The following SLC6A20 variants were observed in gnomAD, a reference collection of about 807,000 sequenced individuals.
SLC6A20 encodes the protein solute carrier family 6 member 20.
SLC6A20 carries 73 observed loss-of-function variants against 64.3 expected under a neutral mutation model. The ratio of observed to expected loss-of-function variants is 1.14; its 90% CI spans 0.94 to 1.38. The LOEUF is 1.38. SLC6A20 is among the 40% of genes most tolerant of loss of function. SLC6A20 has a pLI of 0.00. For synonymous variants in SLC6A20, 347 were observed against 329.6 expected (o/e 1.05, Z -0.57); for missense variants, 725 against 772.8 (o/e 0.94, Z 0.73).
intron 3 of SLC6A20, among the ~76,000 whole-genome samples, chr3:45,777,816 C>T (rs987174081): frequency 2.0e-5 from 3 of 152,200 alleles, no homozygotes; most frequent in Non-Finnish European, 2.9e-5. Flanking sequence ...CCTGGACTAC[C>T]TGCTGATGCC....
intron 1 of SLC6A20, among the ~76,000 whole-genome samples, chr3:45,794,902 T>C (rs1175557329): frequency 6.6e-6 from 1 of 152,198 alleles, no homozygotes; most frequent in Non-Finnish European, 1.5e-5. Flanking sequence ...TTATGGTGTA[T>C]TTATGCACTT....
intron 4 of SLC6A20, among the ~76,000 whole-genome samples, chr3:45,772,905 C>T (rs1411578337): frequency 6.6e-6 from 1 of 152,106 alleles, no homozygotes; most frequent in Non-Finnish European, 1.5e-5. Flanking sequence ...TTCAACCTGA[C>T]CTTATTCTGG....
Position 45,765,444 on chromosome 3 carries a change from C to T in SLC6A20, c.1303+93G>A, listed in dbSNP as rs1463774137. 7.0e-7 allele frequency: 1 copy of T among 1,427,184 alleles called. No homozygotes were observed. Among genetic ancestry groups the T allele is most frequent in the Non-Finnish European group, 9.5e-7 (1 of 1,052,146 alleles). 88.4% of individuals were successfully genotyped at this position (1,427,184 alleles called of 1,614,324 possible). On this transcript the variant is annotated intron_variant, in intron 8 of 10. Coordinates refer to ENST00000358525, the MANE Select transcript of SLC6A20 (RefSeq NM_020208.4). This position sits in a 1 kb window ranked among gnomAD's most constrained non-coding sequence, Gnocchi z 4.2. Reference sequence around the variant, plus strand: ...CTGCAACCCCCTGTAGCCACCTGAACCAGCCCATGACCCCTGAGGGAGCTC... The same window carrying T: ...CTGCAACCCCCTGTAGCCACCTGAATCAGCCCATGACCCCTGAGGGAGCTC...
At chr3:45,764,104 G>A (rs74605920) in intron 8 of SLC6A20, among the ~76,000 whole-genome samples, 8 of 152,308 alleles carry the variant, frequency 5.3e-5, no homozygotes, top group East Asian at 3.9e-4. Flanking sequence ...TTTCAGAGAC[G>A]GAGTAGTGTA....
chr3:45,778,190 T>A (rs543976166), intron 3 of SLC6A20, among the ~76,000 whole-genome samples: 1 of 151,940 alleles, frequency 6.6e-6, no homozygotes, highest in Non-Finnish European at 1.5e-5. Context: ...AGGGAGTGAG[T>A]AGACAGGAGC....
intron 8 of SLC6A20, among the ~76,000 whole-genome samples, chr3:45,764,751 T>A (rs1432842553): frequency 9.2e-6 from 1 of 108,136 alleles, no homozygotes; most frequent in African/African-American, 5.4e-5. Context: ...AATGTAGAAG[T>A]CAGAAATAGA....
intron 3 of SLC6A20, among the ~76,000 whole-genome samples, chr3:45,778,702 C>T (rs1193515364): frequency 6.6e-6 from 1 of 152,170 alleles, no homozygotes; most frequent in Non-Finnish European, 1.5e-5. Flanking sequence ...GTTGGCAGTA[C>T]TGTTGTGCAG....
Position 45,763,174 on chromosome 3 carries a change from G to A in SLC6A20, c.1304-102C>T. ...GGGTCGTCGGCCCTCAGGGAATTTT[G>A]GCTGATTGCTTCATCCACATGGGTT... is the stretch of plus-strand genomic sequence containing the variant. On this transcript the variant is annotated intron_variant, in intron 8 of 10. Transcript: ENST00000358525. The A allele has an allele frequency of 3.3e-6, 5 of 1,526,516 alleles. No individual in the cohort carries two copies. The South Asian group carries it at 3.7e-5, about 11-fold the overall frequency. The allele number at this position is 1,526,516 out of a possible 1,614,324, so 94.6% of individuals were successfully genotyped here.
rs530984384 is a variant in SLC6A20 at position 45,774,904 on chromosome 3, A to G, written c.582+857T>C. ...AATTTACCTCTCTAAGCTTCAGGTAACTGGGATCATGAAATCTACCATGAA... is the reference window on the plus strand; with the variant it reads ...AATTTACCTCTCTAAGCTTCAGGTAGCTGGGATCATGAAATCTACCATGAA... On this transcript the variant is annotated intron_variant, in intron 4 of 10. Coordinates refer to ENST00000358525, the MANE Select transcript of SLC6A20 (RefSeq NM_020208.4). Among the ~76,000 whole-genome samples the G allele has an allele frequency of 2.2e-4, 34 of 152,276 alleles. No homozygotes were observed. The South Asian group carries it at 6.0e-3, about 27-fold the overall frequency.
chr3:45,780,754 T>G lies in SLC6A20; in HGVS notation c.263-654A>C, dbSNP rs559298861. Among the ~76,000 whole-genome samples, 3 of 152,162 alleles carry G rather than the reference T, an allele frequency of 2.0e-5. No homozygotes were observed. The East Asian group carries it at 5.8e-4, about 29-fold the overall frequency. The stretch of plus-strand genomic sequence containing the variant: ...CCAGCCCTTGAGAACCAGCGTCCCC[T>G]CCTCTCCCCAGCCGCAAGTGCTGGG... On this transcript the variant is annotated intron_variant, in intron 2 of 10. Transcript: ENST00000358525.
rs1013399192 is a variant in SLC6A20 at position 45,765,558 on chromosome 3, G to A, written c.1282C>T (p.Leu428=). 6.2e-7 allele frequency: 1 copy of A among 1,613,696 alleles called. No homozygotes were observed. The highest frequency in any genetic ancestry group is 2.2e-5 in the East Asian group (1 of 44,860). The change falls in exon 8 of 11, where the codon CTG becomes TTG. Residue 428 remains leucine, a synonymous_variant. Coordinates refer to ENST00000358525, the MANE Select transcript of SLC6A20 (RefSeq NM_020208.4). This position sits in a 1 kb window ranked among gnomAD's most constrained non-coding sequence, Gnocchi z 4.2. ...LTDSKIISSH[L]PKEAISGLVC... ...TGACCTGAGATGGCCTCCTTGGGCAGGTGGCTGGAGATGATCTTGCTGTCT... is the reference window on the plus strand; with the variant it reads ...TGACCTGAGATGGCCTCCTTGGGCAAGTGGCTGGAGATGATCTTGCTGTCT...
At chr3:45,796,185 C>A in intron 1 of SLC6A20, 114 bp downstream of exon 1, 1 of 1,490,724 alleles carries the variant, frequency 6.7e-7, no homozygotes, top group Non-Finnish European at 9.0e-7. Context: ...ACAAATCACG[C>A]TCGCTTTCCC....
At chr3:45,778,770 G>A (rs1700018825) in intron 3 of SLC6A20, among the ~76,000 whole-genome samples, 1 of 152,202 alleles carries the variant, frequency 6.6e-6, no homozygotes, top group African/African-American at 2.4e-5. Context: ...ACAGTCACCA[G>A]GCTATAGAGT....
At chr3:45,776,069 G>T in intron 3 of SLC6A20, 81 bp from the exon 4 acceptor site, 1 of 1,355,438 alleles carries the variant, frequency 7.4e-7, no homozygotes, top group Non-Finnish European at 1.0e-6. Flanking sequence ...AGGTGGCCCT[G>T]AGCGGAGACT....
intron 1 of SLC6A20, among the ~76,000 whole-genome samples, chr3:45,794,811 C>A: frequency 6.6e-6 from 1 of 152,130 alleles, no homozygotes; most frequent in East Asian, 1.9e-4. Flanking sequence ...ACAAATAATT[C>A]TTTTTAAGAG....
chr3:45,760,553 G>A (rs992289080), intron 9 of SLC6A20, among the ~76,000 whole-genome samples: 2 of 152,178 alleles, frequency 1.3e-5, no homozygotes, highest in African/African-American at 2.4e-5. Context: ...CTGAAGGACC[G>A]TAGCCCTGGC....
intron 3 of SLC6A20, among the ~76,000 whole-genome samples, chr3:45,779,403 T>G (rs1217531881): frequency 5.4e-4 from 83 of 152,368 alleles, no homozygotes; most frequent in African/African-American, 1.9e-3. Context: ...CCTTCCACTT[T>G]TCTACAGAGT....
chr3:45,787,616 A>G (rs1255479696), intron 1 of SLC6A20, among the ~76,000 whole-genome samples: 1 of 152,014 alleles, frequency 6.6e-6, no homozygotes, highest in Non-Finnish European at 1.5e-5. Flanking sequence ...CAGATGCATC[A>G]CTTCCTCCAA....
intron 1 of SLC6A20, among the ~76,000 whole-genome samples, chr3:45,782,541 C>T (rs955953242): frequency 2.0e-5 from 3 of 151,912 alleles, no homozygotes; most frequent in Non-Finnish European, 4.4e-5. Context: ...TCCATCTATC[C>T]ACCCTACATC....
Sources: gnomAD v4.1 joint callset for allele counts (sites outside exome capture counted in the v4.1 genomes callset) on GRCh38, gnomAD v4.1.1 for gene constraint, Gnocchi (gnomAD v3.1) non-coding constraint, MANE v1.5 for transcripts, NCBI Gene and HGNC (gene_info 2026-07-23, HGNC 2026-07-21) for gene names.